Variants in NRXN3 observed in about 807,000 individuals in gnomAD.
NRXN3 encodes the protein neurexin III.
A neutral mutation model predicts 137.6 loss-of-function variants in NRXN3; 32 were observed. The observed-to-expected ratio is 0.23, with a 90% CI of 0.18 to 0.31. The LOEUF is 0.31. NRXN3 is among the 10% of genes least tolerant of loss of function. The probability of loss-of-function intolerance (pLI) is 1.00; values close to 1 mark genes in which losing one functional copy is unlikely to be tolerated. For synonymous variants in NRXN3, 798 were observed against 784.5 expected (o/e 1.02, Z -0.29); for missense variants, 1,574 against 2,062.5 (o/e 0.76, Z 4.59).
chr14:79,803,824 T>C (rs1360362024), intron 19 of NRXN3, among the ~76,000 whole-genome samples: 1 of 151,626 alleles, frequency 6.6e-6, no homozygotes, highest in African/African-American at 2.4e-5. Flanking sequence ...ATTAGTCATG[T>C]AATAGTCATC....
intron 19 of NRXN3, among the ~76,000 whole-genome samples, chr14:79,744,420 C>T (rs560649232): frequency 1.3e-5 from 2 of 152,050 alleles, no homozygotes; most frequent in South Asian, 2.1e-4. Context: ...GTTTCCTACC[C>T]CCCAAAAATG....
chr14:79,364,962 A>G (rs1365233564), intron 15 of NRXN3, among the ~76,000 whole-genome samples: 1 of 152,142 alleles, frequency 6.6e-6, no homozygotes, highest in Non-Finnish European at 1.5e-5. Flanking sequence ...AAGAGATTGT[A>G]TTTTTCATTG....
At chr14:79,348,193 A>G (rs753156462) in intron 15 of NRXN3, among the ~76,000 whole-genome samples, 1 of 152,266 alleles carries the variant, frequency 6.6e-6, no homozygotes, top group Admixed American at 6.5e-5. Flanking sequence ...TGGATTTTTA[A>G]TTATTTAGTT....
In NRXN3 at chr14:79,695,775, G is replaced by A. The variant is rs2098733340; in HGVS notation, c.3707-1855G>A. Among the ~76,000 whole-genome samples the A allele has an allele frequency of 2.0e-5, 3 of 151,932 alleles. No individual in the cohort carries two copies. In the South Asian group the frequency reaches 6.2e-4, roughly 32 times the overall value. On this transcript the variant is annotated intron_variant, in intron 18 of 20. Transcript: ENST00000335750. ...GGACAGAGGACAAAATACAGACAGT[G>A]ATGCATATGCACAACACACTAAATG...
intron 15 of NRXN3, among the ~76,000 whole-genome samples, chr14:79,244,022 C>T (rs1437463804): frequency 3.1e-4 from 47 of 152,100 alleles, no homozygotes; most frequent in Admixed American, 3.1e-3. Flanking sequence ...TTCAAGGACC[C>T]AGTAATCATC....
chr14:78,680,673 A>G (rs2098065226), intron 6 of NRXN3, among the ~76,000 whole-genome samples: 1 of 152,112 alleles, frequency 6.6e-6, no homozygotes, highest in Non-Finnish European at 1.5e-5. Flanking sequence ...GTTTGATTTT[A>G]TCAACTGGAA....
intron 15 of NRXN3, among the ~76,000 whole-genome samples, chr14:79,162,804 G>A (rs545796213): frequency 1.2e-4 from 18 of 151,822 alleles, no homozygotes; most frequent in Non-Finnish European, 2.1e-4. Flanking sequence ...AAAGCCAGGT[G>A]CCCTGGTACT....
intron 20 of NRXN3, among the ~76,000 whole-genome samples, chr14:79,844,844 C>G (rs2099363762): frequency 6.6e-6 from 1 of 152,146 alleles, no homozygotes; most frequent in Non-Finnish European, 1.5e-5. Context: ...GCTTTGAAGC[C>G]AAGCACTGAC....
At chr14:79,172,740 A>G (rs533534204) in intron 15 of NRXN3, among the ~76,000 whole-genome samples, 193 of 152,178 alleles carry the variant, frequency 1.3e-3, no homozygotes, top group Non-Finnish European at 2.4e-3. Context: ...TAAAATTCCT[A>G]TGGAAGAATA....
intron 8 of NRXN3, among the ~76,000 whole-genome samples, chr14:78,730,817 T>C (rs2098511654): frequency 6.6e-6 from 1 of 152,198 alleles, no homozygotes; most frequent in Admixed American, 6.5e-5. Flanking sequence ...CAATCTCTAA[T>C]TGGGGAAATG....
chr14:78,669,014 G>A (rs368199367), intron 6 of NRXN3, among the ~76,000 whole-genome samples: 14 of 152,046 alleles, frequency 9.2e-5, no homozygotes, highest in African/African-American at 3.4e-4. Context: ...AGATAGATCA[G>A]TCAAAGTTTT....
chr14:79,263,485 A>G (rs190037178), intron 15 of NRXN3, among the ~76,000 whole-genome samples: 127 of 152,296 alleles, frequency 8.3e-4, no homozygotes, highest in Middle Eastern at 3.4e-3. Flanking sequence ...AGAGACAAGC[A>G]GGAACATGTT....
intron 15 of NRXN3, among the ~76,000 whole-genome samples, chr14:79,045,452 G>A (rs1051555936): frequency 1.3e-5 from 2 of 152,116 alleles, no homozygotes; most frequent in African/African-American, 4.8e-5. Flanking sequence ...CATGTCCTAG[G>A]ATAATGACTA....
intron 4 of NRXN3, among the ~76,000 whole-genome samples, chr14:78,606,451 A>G (rs1429279209): frequency 6.6e-6 from 1 of 152,190 alleles, no homozygotes; most frequent in Non-Finnish European, 1.5e-5. Flanking sequence ...TTAATCACTG[A>G]GAAAACCTTC....
At chr14:79,800,478 C>T (rs917839381) in intron 19 of NRXN3, among the ~76,000 whole-genome samples, 1 of 152,182 alleles carries the variant, frequency 6.6e-6, no homozygotes, top group African/African-American at 2.4e-5. Context: ...TGCAGGCATA[C>T]TAACTGCTCT....
chr14:78,426,180 G>A (rs770651346), intron 4 of NRXN3, among the ~76,000 whole-genome samples: 17 of 152,202 alleles, frequency 1.1e-4, no homozygotes, highest in Non-Finnish European at 2.2e-4. Context: ...ACACATCAAG[G>A]AAATGAGAGC....
intron 15 of NRXN3, among the ~76,000 whole-genome samples, chr14:79,302,805 C>G (rs1398643729): frequency 6.6e-6 from 1 of 151,928 alleles, no homozygotes; most frequent in Non-Finnish European, 1.5e-5. Context: ...CCTGAGGCTT[C>G]CCAAGACATA....
chr14:78,431,376 G>A (rs540080316), intron 4 of NRXN3, among the ~76,000 whole-genome samples: 1 of 152,292 alleles, frequency 6.6e-6, no homozygotes, highest in African/African-American at 2.4e-5. Context: ...TCGAACACCC[G>A]TACTGTATGC....
chr14:79,842,999 C>T (rs1415755592), intron 20 of NRXN3, among the ~76,000 whole-genome samples: 1 of 152,002 alleles, frequency 6.6e-6, no homozygotes, highest in Non-Finnish European at 1.5e-5. Context: ...TCTTTCTATG[C>T]CTGGCTTATT....
Sources: gnomAD v4.1 joint callset for allele counts (sites outside exome capture counted in the v4.1 genomes callset) on GRCh38, gnomAD v4.1.1 for gene constraint, MANE v1.5 for transcripts, NCBI Gene and HGNC (gene_info 2026-07-23, HGNC 2026-07-21) for gene names.